The following ALG8 variants were observed in gnomAD, a reference collection of about 807,000 sequenced individuals.
ALG8 encodes the protein ALG8 alpha-1,3-glucosyltransferase.
A neutral mutation model predicts 70.2 loss-of-function variants in ALG8; 48 were observed. That is an observed-to-expected ratio of 0.68 (90% confidence interval 0.54 to 0.87). The LOEUF (loss-of-function observed/expected upper bound fraction) is 0.87, where lower values mean the gene tolerates loss of function less well. Among genes scored for constraint, ALG8 ranks in the 40% least tolerant of loss-of-function variants. The pLI is 0.00. For synonymous variants in ALG8, 234 were observed against 229.0 expected, an observed-to-expected ratio of 1.02 and a Z score of -0.20; for missense variants, 572 against 608.7, an observed-to-expected ratio of 0.94 and a Z score of 0.64.
intron 1 of ALG8, among the ~76,000 whole-genome samples, chr11:78,135,528 A>T (rs1419847387): frequency 1.3e-5 from 2 of 151,872 alleles, no homozygotes; most frequent in African/African-American, 4.8e-5. Flanking sequence ...CCTGAGCAAC[A>T]CAGTGACCCC....
intron 12 of ALG8, among the ~76,000 whole-genome samples, chr11:78,102,155 G>A (rs532885004): frequency 2.6e-5 from 4 of 152,066 alleles, no homozygotes; most frequent in Admixed American, 6.6e-5. Context: ...AATAATATGC[G>A]CCCATCGCCA....
At chr11:78,109,733 T>A (rs1860197603) in intron 8 of ALG8, 152 bp from the exon 9 acceptor site, 1 of 800,008 alleles carries the variant, frequency 1.2e-6, no homozygotes, top group African/African-American at 1.7e-5. Context: ...CCTATACTAT[T>A]CTACCCAAAA....
chr11:78,121,353 C>A (rs753578554), intron 3 of ALG8, 179 bp from the exon 4 acceptor site: 4 of 616,508 alleles, frequency 6.5e-6, no homozygotes, highest in Non-Finnish European at 8.5e-6. Flanking sequence ...CACTGTTGCC[C>A]AGGCTGATCT....
intron 1 of ALG8, among the ~76,000 whole-genome samples, chr11:78,127,657 G>A (rs1375398753): frequency 6.6e-6 from 1 of 151,424 alleles, no homozygotes; most frequent in Admixed American, 6.6e-5. Flanking sequence ...AGTGAAAAGG[G>A]TCTCAGAACT....
intron 5 of ALG8, among the ~76,000 whole-genome samples, chr11:78,115,048 T>C (rs865827744): frequency 6.6e-6 from 1 of 152,210 alleles, no homozygotes; most frequent in Non-Finnish European, 1.5e-5. Context: ...TTATTTTATT[T>C]GAGATGGAGT....
chr11:78,138,961 C>T (rs1861676535), intron 1 of ALG8: 1 of 354,854 alleles, frequency 2.8e-6, no homozygotes, highest in African/African-American at 2.1e-5. Flanking sequence ...TATGCCTGAA[C>T]TGCTTTCCAC....
At chr11:78,125,397 C>T (rs1207576248) in intron 2 of ALG8, among the ~76,000 whole-genome samples, 2 of 151,512 alleles carry the variant, frequency 1.3e-5, no homozygotes, top group Non-Finnish European at 2.9e-5. Context: ...TATGGTATTC[C>T]ATTTTATATA....
At chr11:78,111,710 G>C (rs1860299586) in intron 8 of ALG8, among the ~76,000 whole-genome samples, 1 of 152,172 alleles carries the variant, frequency 6.6e-6, no homozygotes, top group Non-Finnish European at 1.5e-5. Flanking sequence ...TACAGAAAAA[G>C]TTTGCTGACC....
intron 10 of ALG8, 35 bp downstream of exon 10, chr11:78,106,772 T>C (rs770212501): frequency 5.0e-6 from 8 of 1,613,266 alleles, no homozygotes; most frequent in Non-Finnish European, 5.9e-6. Context: ...TTGTGAAATA[T>C]GCCAAAATGC....
intron 4 of ALG8, 70 bp from the exon 5 acceptor site, chr11:78,119,319 A>G (rs947221614): frequency 4.4e-6 from 5 of 1,147,858 alleles, no homozygotes; most frequent in Non-Finnish European, 6.6e-6. Context: ...CTGATGGAGT[A>G]TAGAAATTCC....
rs1783517 is a variant in ALG8, at chr11:78,118,912, T to C, written c.546+270A>G. 0.22 allele frequency among the ~76,000 whole-genome samples: 33,176 copies of C among 152,056 alleles called. 4,479 individuals are homozygous for C. Among genetic ancestry groups the C allele is most frequent in the African/African-American group, 0.38 (15,790 of 41,436 alleles). On this transcript the variant is annotated intron_variant, in intron 5 of 12. Transcript: ENST00000299626. ...AGTCTGGGTGACAGAGTGAGACTGT[T>C]TCAAAACACAAACAAACAAAAACTC...
chr11:78,138,491 T>C (rs1861645710), intron 1 of ALG8, among the ~76,000 whole-genome samples: 1 of 152,162 alleles, frequency 6.6e-6, no homozygotes, highest in Non-Finnish European at 1.5e-5. Context: ...TCCACTTACA[T>C]GATTACATAT....
chr11:78,106,346 T>G (rs1283621498), intron 10 of ALG8, among the ~76,000 whole-genome samples: 2 of 152,108 alleles, frequency 1.3e-5, no homozygotes, highest in African/African-American at 4.8e-5. Flanking sequence ...TACAGGCATG[T>G]GCCACTATGC....
At chr11:78,135,829 C>T (rs934843753) in intron 1 of ALG8, among the ~76,000 whole-genome samples, 1 of 141,710 alleles carries the variant, frequency 7.1e-6, no homozygotes, top group African/African-American at 2.7e-5. Flanking sequence ...GCATGGGAGA[C>T]AGAGTGAAAC....
Position 78,112,668 on chromosome 11 carries a change from T to C in ALG8, c.880A>G (p.Lys294Glu), listed in dbSNP as rs1860348361. ...NFWALYNALD[K>E]VLSVIGLKLK... The stretch of plus-strand genomic sequence containing the variant: ...ACCATACCGATGACAGACAGCACTT[T>C]GTCCAAAGCATTGTACAAAGCCCAG... Residue 294 changes from lysine to glutamate, a missense_variant, in exon 8 of 13, where the codon AAA (lysine) becomes GAA (glutamate). Transcript: ENST00000299626. The C allele has an allele frequency of 3.7e-6, 6 of 1,614,034 alleles. No homozygotes were observed. The highest frequency in any genetic ancestry group is 2.2e-5 in the South Asian group (2 of 91,084).
At chr11:78,129,599 T>C (rs112932696) in intron 1 of ALG8, among the ~76,000 whole-genome samples, 10,619 of 152,218 alleles carry the variant, frequency 0.07, 1,221 homozygotes, top group African/African-American at 0.24. Context: ...TTCAAGGAGT[T>C]TGAAATATGT....
chr11:78,129,992 C>T (rs1378814680), intron 1 of ALG8, among the ~76,000 whole-genome samples: 1 of 151,890 alleles, frequency 6.6e-6, no homozygotes, highest in Admixed American at 6.6e-5. Context: ...GTATAAAATT[C>T]AAAAACAAAC....
chr11:78,127,184 G>A (rs535734499), intron 2 of ALG8, among the ~76,000 whole-genome samples, 174 bp downstream of exon 2: 1 of 151,944 alleles, frequency 6.6e-6, no homozygotes, highest in East Asian at 1.9e-4. Flanking sequence ...TCACTGTGTT[G>A]GCCAGGCTGG....
intron 11 of ALG8, 97 bp from the exon 12 acceptor site, chr11:78,104,149 G>A (rs1023811601): frequency 8.7e-6 from 8 of 914,504 alleles, no homozygotes; most frequent in Non-Finnish European, 1.3e-5. Flanking sequence ...GCTATATAGT[G>A]CTAATAATAC....
Sources: gnomAD v4.1 joint callset for allele counts (sites outside exome capture counted in the v4.1 genomes callset) on GRCh38, gnomAD v4.1.1 for gene constraint, MANE v1.5 for transcripts, NCBI Gene and HGNC (gene_info 2026-07-23, HGNC 2026-07-21) for gene names.